The following PID1 variants were observed in gnomAD, a reference collection of about 807,000 sequenced individuals.
PID1 encodes the protein PTB-containing, cubilin and LRP1-interacting protein.
In PID1, 10 loss-of-function variants were observed where a neutral mutation model predicts 19.1. That is an observed-to-expected ratio of 0.52 (90% CI 0.32 to 0.89). The LOEUF (loss-of-function observed/expected upper bound fraction) is 0.89, where lower values mean the gene tolerates loss of function less well. Among genes scored for constraint, PID1 ranks in the 40% least tolerant of loss-of-function variants. PID1 has a pLI of 0.03. For missense variants in PID1, 248 were observed against 285.3 expected (o/e 0.87, Z 0.94); for synonymous variants, 130 against 116.0 (o/e 1.12, Z -0.78).
intron 1 of PID1, chr2:229,236,357 T>G (rs1311521651): frequency 1.3e-5 from 2 of 152,024 alleles, no homozygotes; most frequent in African/African-American, 4.8e-5. Context: ...TGCAAGAGAT[T>G]TGGAGAGTTA....
intron 1 of PID1, among the ~76,000 whole-genome samples, chr2:229,161,775 C>G (rs1276594206): frequency 6.6e-6 from 1 of 152,322 alleles, no homozygotes; most frequent in East Asian, 1.9e-4. Flanking sequence ...GCAGTGGCAT[C>G]CCACTTAGGT....
At chr2:229,187,952 G>C (rs1190165865) in intron 1 of PID1, among the ~76,000 whole-genome samples, 1 of 152,104 alleles carries the variant, frequency 6.6e-6, no homozygotes, top group Non-Finnish European at 1.5e-5. Flanking sequence ...AATATTTGCT[G>C]AATTACATAC....
At chr2:229,149,840 G>A (rs182846300) in intron 2 of PID1, among the ~76,000 whole-genome samples, 261 of 152,192 alleles carry the variant, frequency 1.7e-3, no homozygotes, top group African/African-American at 5.8e-3. Context: ...TGGGACTCTC[G>A]GCAAAGGACA....
chr2:229,104,088 T>C (rs1483513522), intron 2 of PID1, among the ~76,000 whole-genome samples: 1 of 152,220 alleles, frequency 6.6e-6, no homozygotes, highest in Non-Finnish European at 1.5e-5. Flanking sequence ...TGTTTATTTT[T>C]TTACAAGAGC....
At chr2:229,223,022 G>A (rs1311705580) in intron 1 of PID1, among the ~76,000 whole-genome samples, 1 of 151,978 alleles carries the variant, frequency 6.6e-6, no homozygotes, top group African/African-American at 2.4e-5. Context: ...AAATACTATT[G>A]CAGTTAACTT....
At chr2:229,239,794 ACTTG>A (rs1689824194) in intron 1 of PID1, among the ~76,000 whole-genome samples, 1 of 152,172 alleles carries the variant, frequency 6.6e-6, no homozygotes, top group Admixed American at 6.6e-5. Context: ...TACTTTTACA[ACTTG>A]CTTTTGGTAG....
chr2:229,091,573 C>T (rs1328833622), intron 2 of PID1, among the ~76,000 whole-genome samples: 1 of 152,086 alleles, frequency 6.6e-6, no homozygotes, highest in Non-Finnish European at 1.5e-5. Flanking sequence ...AAAAGAGGCC[C>T]TAAAGAGATC....
intron 1 of PID1, among the ~76,000 whole-genome samples, chr2:229,239,975 T>G (rs1309013834): frequency 6.6e-6 from 1 of 152,166 alleles, no homozygotes. Flanking sequence ...GGGAGTTCTA[T>G]TTTCATCTAT....
At chr2:229,191,241 G>T (rs921696676) in intron 1 of PID1, among the ~76,000 whole-genome samples, 16 of 152,228 alleles carry the variant, frequency 1.1e-4, no homozygotes, top group African/African-American at 3.9e-4. Context: ...CTTTTGGGAG[G>T]AGGGCAAATC....
At chr2:229,150,536 C>A (rs1394670912) in intron 2 of PID1, among the ~76,000 whole-genome samples, 3 of 152,210 alleles carry the variant, frequency 2.0e-5, no homozygotes, top group African/African-American at 7.2e-5. Flanking sequence ...TATACACACA[C>A]CTCCCCTTGG....
At chr2:229,252,142 T>C (rs1690170036) in intron 1 of PID1, among the ~76,000 whole-genome samples, 2 of 150,970 alleles carry the variant, frequency 1.3e-5, no homozygotes, top group Non-Finnish European at 2.9e-5. Context: ...GGGAAAGCCA[T>C]AAAAAAGTGT....
At chr2:229,188,324 GA>G (rs1004048084) in intron 1 of PID1, among the ~76,000 whole-genome samples, 5 of 147,464 alleles carry the variant, frequency 3.4e-5, no homozygotes, top group Admixed American at 2.7e-4. Context: ...CTTCTCCCCT[GA>G]AAAAAAAATT....
rs148002918 is a variant in PID1 at position 229,062,423 on chromosome 2, C to G, written c.178-36315G>C. Among the ~76,000 whole-genome samples, 427 of 151,970 alleles carry G rather than the reference C, an allele frequency of 2.8e-3. 1 individual carries two copies. The highest frequency in any genetic ancestry group is 0.01 in the African/African-American group (415 of 41,500). On this transcript the variant is annotated intron_variant, in intron 2 of 2. Transcript: ENST00000392055. ...GTGTATGTTGAACCATCCTTGTAAC[C>G]CAGGAATACAAGGGATAAATCCTGC...
intron 2 of PID1, among the ~76,000 whole-genome samples, chr2:229,139,142 AAAGAAAGC>A (rs1422094574): frequency 1.6e-4 from 18 of 115,752 alleles, no homozygotes; most frequent in African/African-American, 6.2e-4. Context: ...AGAAAGAAAG[AAAGAAAGC>A]AAGCGAGCGA....
chr2:229,128,011 C>G (rs1384401334), intron 2 of PID1, among the ~76,000 whole-genome samples: 1 of 152,162 alleles, frequency 6.6e-6, no homozygotes, highest in Non-Finnish European at 1.5e-5. Flanking sequence ...GCTGATGGAG[C>G]TACAAGCCCT....
intron 1 of PID1, among the ~76,000 whole-genome samples, chr2:229,227,621 T>C (rs900839055): frequency 1.3e-5 from 2 of 152,204 alleles, no homozygotes; most frequent in African/African-American, 4.8e-5. Flanking sequence ...GATAGAATTC[T>C]ACTGGGACCT....
intron 2 of PID1, among the ~76,000 whole-genome samples, chr2:229,035,418 A>G (rs1269619691): frequency 6.6e-6 from 1 of 152,022 alleles, no homozygotes; most frequent in Non-Finnish European, 1.5e-5. Flanking sequence ...TATTTTAAAG[A>G]TATGTCTGTC....
chr2:229,070,607 T>A (rs1486816917), intron 2 of PID1, among the ~76,000 whole-genome samples: 1 of 152,132 alleles, frequency 6.6e-6, no homozygotes, highest in Non-Finnish European at 1.5e-5. Context: ...ATGTTGAGAA[T>A]GATGATGCCT....
chr2:229,256,370 C>T (rs560061522), intron 1 of PID1, among the ~76,000 whole-genome samples: 9 of 152,216 alleles, frequency 5.9e-5, no homozygotes, highest in African/African-American at 1.7e-4. Context: ...TTGAAGGAGC[C>T]GAAGGAAATA....
Sources: gnomAD v4.1 joint callset for allele counts (sites outside exome capture counted in the v4.1 genomes callset) on GRCh38, gnomAD v4.1.1 for gene constraint, MANE v1.5 for transcripts, NCBI Gene and HGNC (gene_info 2026-07-23, HGNC 2026-07-21) for gene names.